Variants in CASD1 observed in about 807,000 individuals in gnomAD.
CASD1 encodes N-acetylneuraminate (7)9-O-acetyltransferase.
In CASD1, 41 loss-of-function variants were observed where a neutral mutation model predicts 100.0. The observed-to-expected ratio is 0.41, with a 90% CI of 0.32 to 0.53. The LOEUF is 0.53. Ranked by LOEUF, CASD1 falls within the 20% of genes least tolerant of loss-of-function variation. CASD1 has a pLI of 0.25. For missense variants in CASD1, 774 were observed against 948.7 expected, an observed-to-expected ratio of 0.82 and a Z score of 2.42; for synonymous variants, 321 against 315.6, an observed-to-expected ratio of 1.02 and a Z score of -0.18.
intron 8 of CASD1, among the ~76,000 whole-genome samples, chr7:94,535,800 G>A (rs1377920443): frequency 6.6e-6 from 1 of 152,084 alleles, no homozygotes; most frequent in Non-Finnish European, 1.5e-5. Context: ...AATATACATT[G>A]TCTCCTCAGA....
At chr7:94,616,035 G>A in the CASD1 span, among the ~76,000 whole-genome samples, 5 of 152,186 alleles carry the variant, frequency 3.3e-5, no homozygotes, top group South Asian at 4.1e-4. Flanking sequence ...TCACTTTGAA[G>A]TAAATCTTCA....
the CASD1 span, chr7:94,585,332 C>A: frequency 1.8e-6 from 1 of 556,672 alleles, no homozygotes; most frequent in Non-Finnish European, 3.2e-6. Flanking sequence ...CAAAAAAATA[C>A]ATTAGTAAAA....
At chr7:94,630,011 G>T in the CASD1 span, 1 of 700,332 alleles carries the variant, frequency 1.4e-6, no homozygotes. Flanking sequence ...AAATGGAAGT[G>T]ATTTCAGGAC....
the CASD1 span, among the ~76,000 whole-genome samples, chr7:94,585,768 A>G: frequency 1.3e-5 from 2 of 152,164 alleles, no homozygotes; most frequent in Admixed American, 1.3e-4. Context: ...ACAGTCTGAA[A>G]ATTCCTCCCA....
Position 94,552,482 on chromosome 7 carries a change from T to C in CASD1, c.2034+55T>C. The stretch of plus-strand genomic sequence containing the variant: ...ATCTTAATTCTTGATAAGAAAATGG[T>C]TTTTAGAGGCAGAGAGATTTGAGAT... On this transcript the variant is annotated intron_variant, in intron 16 of 17. Transcript: ENST00000297273. The C allele has an allele frequency of 3.0e-6, 4 of 1,342,290 alleles. No homozygotes were observed. The South Asian group carries it at 5.0e-5, about 17-fold the overall frequency. 83.1% of individuals were successfully genotyped at this position (1,342,290 alleles called of 1,614,324 possible). A position where few individuals can be genotyped will look rare whatever the true frequency, so the allele number is the denominator to read the frequency against.
the CASD1 span, among the ~76,000 whole-genome samples, chr7:94,614,120 A>AC: frequency 6.6e-6 from 1 of 151,306 alleles, no homozygotes; most frequent in Non-Finnish European, 1.5e-5. Context: ...AAAAAAAAAA[A>AC]AAAAAAAAAA....
intron 6 of CASD1, among the ~76,000 whole-genome samples, 168 bp from the exon 7 acceptor site, chr7:94,533,511 T>C (rs1794952796): frequency 6.6e-6 from 1 of 152,202 alleles, no homozygotes; most frequent in African/African-American, 2.4e-5. Context: ...AACAGCTTTT[T>C]CTAATTGCTT....
In CASD1 at chr7:94,539,668, C is replaced by CAA. The variant is rs71120400; in HGVS notation, c.1356+627_1356+628dup. 2.1e-3 allele frequency among the ~76,000 whole-genome samples: 249 copies of CAA among 119,390 alleles called. 8 individuals carry two copies. Among genetic ancestry groups the CAA allele is most frequent in the South Asian group, 0.011 (47 of 4,152 alleles). The allele number at this position is 119,390 out of a possible 152,430, so 78.3% of individuals were successfully genotyped here. ...TGGGTTGCAGAGTGAGACTCCGTCTCAAAAAAAAAAAAAAAAGAAAAAAGG... is the reference window on the plus strand; with the variant it reads ...TGGGTTGCAGAGTGAGACTCCGTCTCAAAAAAAAAAAAAAAAAAGAAAAAAGG... On this transcript the variant is annotated intron_variant, in intron 10 of 17. Coordinates refer to ENST00000297273, the MANE Select transcript of CASD1 (RefSeq NM_022900.5).
chr7:94,552,420 T>G lies in CASD1; in HGVS notation c.2027T>G (p.Val676Gly). Reference protein sequence around the residue: ...ECNELHPSVSVVQILAFILIR... With the variant: ...ECNELHPSVSGVQILAFILIR... ...AATGAACTCCATCCGTCTGTTTCTG[T>G]GGTACAGGTACTATCTTGATTTAGA... Residue 676 changes from valine (V) to glycine (G), a missense_variant, in exon 16 of 18, where the codon GTG (valine) becomes GGG (glycine). Val to Gly is a moderately radical substitution (Grantham distance 109). Coordinates refer to ENST00000297273, the MANE Select transcript of CASD1 (RefSeq NM_022900.5). The G allele has an allele frequency of 6.2e-7, 1 of 1,607,202 alleles. No homozygotes were observed. Among genetic ancestry groups the G allele is most frequent in the South Asian group, 1.1e-5 (1 of 89,648 alleles).
At chr7:94,626,347 A>T in the CASD1 span, 1 of 152,014 alleles carries the variant, frequency 6.6e-6, no homozygotes, top group African/African-American at 2.4e-5. Flanking sequence ...ATCCTTCCCT[A>T]TCCATAGGTC....
At chr7:94,528,952 AT>A (rs1001135282) in intron 5 of CASD1, among the ~76,000 whole-genome samples, 39 of 151,494 alleles carry the variant, frequency 2.6e-4, no homozygotes, top group African/African-American at 9.2e-4. Context: ...TTGGTTTGGG[AT>A]TTTTTTTTCT....
chr7:94,534,985 C>T (rs1795049106), intron 7 of CASD1, among the ~76,000 whole-genome samples: 1 of 152,136 alleles, frequency 6.6e-6, no homozygotes. Flanking sequence ...TTGTTGTTAC[C>T]TGTTATAACT....
At chr7:94,566,866 C>G in the CASD1 span, among the ~76,000 whole-genome samples, 16 of 152,260 alleles carry the variant, frequency 1.1e-4, no homozygotes, top group Admixed American at 9.8e-4. Context: ...CTGAGGAGAA[C>G]CTTAGCCAGG....
intron 10 of CASD1, among the ~76,000 whole-genome samples, chr7:94,542,945 A>T (rs932209248): frequency 6.6e-6 from 1 of 152,200 alleles, no homozygotes; most frequent in East Asian, 1.9e-4. Context: ...TCTTTGTTTG[A>T]TATGTAGATT....
chr7:94,513,182 T>C (rs1352872439), intron 1 of CASD1, among the ~76,000 whole-genome samples: 2 of 148,486 alleles, frequency 1.3e-5, no homozygotes, highest in Non-Finnish European at 3.0e-5. Context: ...TTCAATTAGC[T>C]GGGCGTGGTG....
intron 1 of CASD1, among the ~76,000 whole-genome samples, chr7:94,513,766 T>C (rs1276250503): frequency 6.6e-6 from 1 of 152,222 alleles, no homozygotes; most frequent in Non-Finnish European, 1.5e-5. Context: ...CTTAAATAAC[T>C]GTGGATAAAT....
the CASD1 span, among the ~76,000 whole-genome samples, chr7:94,577,423 T>C: frequency 3.3e-5 from 5 of 152,216 alleles, no homozygotes; most frequent in Non-Finnish European, 5.9e-5. Context: ...ATTAAACAGA[T>C]ATTTTCTTAC....
chr7:94,558,481 C>G (rs1458834642), downstream of CASD1, among the ~76,000 whole-genome samples: 2 of 152,020 alleles, frequency 1.3e-5, no homozygotes, highest in Non-Finnish European at 2.9e-5. Flanking sequence ...GAAAAATTAC[C>G]TTTTTAGCTT....
Position 94,510,055 on chromosome 7 carries a change from G to A in CASD1, c.-30G>A, listed in dbSNP as rs937340388. On this transcript the variant is annotated 5_prime_UTR_variant, in exon 1 of 18. Transcript: ENST00000297273. ...CTGTGCGGCGCCCCTTTCCCGCTCC[G>A]CCGCGCACTGTTGTCATGGAGGAAC... 1.3e-5 allele frequency: 20 copies of A among 1,486,656 alleles called. No individual in the cohort carries two copies. In the Admixed American group the frequency reaches 2.6e-4, roughly 20 times the overall value. 92.1% of individuals were successfully genotyped at this position (1,486,656 alleles called of 1,614,324 possible).
Sources: allele counts gnomAD v4.1 joint callset (sites outside exome capture counted in the v4.1 genomes callset), GRCh38; gene constraint gnomAD v4.1.1; transcripts MANE v1.5; gene names NCBI Gene and HGNC (gene_info 2026-07-23, HGNC 2026-07-21).